Variants in CDH2 observed in about 807,000 individuals in gnomAD.
CDH2 encodes cadherin 2.
CDH2 carries 17 observed loss-of-function variants against 92.0 expected under a neutral mutation model. The observed-to-expected ratio is 0.18, with a 90% CI of 0.13 to 0.28. The LOEUF is 0.28. Ranked by LOEUF, CDH2 falls within the 10% of genes least tolerant of loss-of-function variation. The probability of loss-of-function intolerance (pLI) is 1.00; values close to 1 mark genes in which losing one functional copy is unlikely to be tolerated. For synonymous variants in CDH2, 419 were observed against 415.9 expected, an observed-to-expected ratio of 1.01 and a Z score of -0.09; for missense variants, 862 against 1,133.1, an observed-to-expected ratio of 0.76 and a Z score of 3.44.
intron 15 of CDH2, 80 bp downstream of exon 15, chr18:27,963,277 A>G (rs2011455223): frequency 7.4e-7 from 1 of 1,353,962 alleles, no homozygotes; most frequent in Non-Finnish European, 1.0e-6. Flanking sequence ...GCTGTATTCC[A>G]AGCAATTTGT....
chr18:28,046,821 C>T (rs2014086109), intron 2 of CDH2, among the ~76,000 whole-genome samples: 1 of 152,124 alleles, frequency 6.6e-6, no homozygotes. Flanking sequence ...TGAGCAAAAA[C>T]ATAATTTTGC....
At chr18:28,079,105 G>A (rs899731502) in intron 2 of CDH2, among the ~76,000 whole-genome samples, 2 of 152,092 alleles carry the variant, frequency 1.3e-5, no homozygotes, top group Non-Finnish European at 2.9e-5. Flanking sequence ...TAGTAAAATC[G>A]TCTAACATTT....
intron 11 of CDH2, 60 bp downstream of exon 11, chr18:27,988,464 G>C: frequency 7.0e-7 from 1 of 1,432,566 alleles, no homozygotes; most frequent in Non-Finnish European, 9.7e-7. Context: ...TAATTCCTGA[G>C]CATGCATGAT....
rs141345443 is a variant in CDH2 at position 27,977,189 on chromosome 18, G to A, written c.2349+5755C>T. The stretch of plus-strand genomic sequence containing the variant: ...ATATACTAAAAGTGTCTGTTCAACC[G>A]CTAACAGCCCTGTGTGGAGATAACA... On this transcript the variant is annotated intron_variant, in intron 14 of 15. Transcript: ENST00000269141. 2.9e-3 allele frequency among the ~76,000 whole-genome samples: 439 copies of A among 152,090 alleles called. 4 individuals are homozygous for A. Among genetic ancestry groups the A allele is most frequent in the South Asian group, 0.024 (114 of 4,824 alleles).
rs893557620 is a variant in CDH2 at position 28,176,546 on chromosome 18, C to G, written c.60+417G>C. 5.3e-5 allele frequency among the ~76,000 whole-genome samples: 8 copies of G among 152,098 alleles called. No homozygotes were observed. In the East Asian group the frequency reaches 1.6e-3, roughly 30 times the overall value. On this transcript the variant is annotated intron_variant, in intron 1 of 15. Coordinates refer to ENST00000269141, the MANE Select transcript of CDH2 (RefSeq NM_001792.5). Reference sequence around the variant, plus strand: ...AGAGTGAGAATTCCTACTGTAAACTCGCGACCCATCCCTGCAGAAATAAAC... The same window carrying G: ...AGAGTGAGAATTCCTACTGTAAACTGGCGACCCATCCCTGCAGAAATAAAC...
intron 2 of CDH2, among the ~76,000 whole-genome samples, chr18:28,116,114 T>C (rs557765542): frequency 1.3e-5 from 2 of 152,270 alleles, no homozygotes; most frequent in South Asian, 2.1e-4. Context: ...AAACAATCTA[T>C]AATTCACAGA....
At chr18:27,942,150 G>A (rs545501768) in intron 6 of CDH2, among the ~76,000 whole-genome samples, 3 of 152,110 alleles carry the variant, frequency 2.0e-5, no homozygotes, top group Non-Finnish European at 4.4e-5. Context: ...TATACTGGAA[G>A]GGCAAAAAGA....
chr18:28,026,442 G>A (rs942490948), intron 2 of CDH2, among the ~76,000 whole-genome samples: 5 of 152,108 alleles, frequency 3.3e-5, no homozygotes, highest in African/African-American at 9.7e-5. Flanking sequence ...GCAGACGTGG[G>A]GAGTAGGTAT....
chr18:28,105,074 A>G (rs2015300151), intron 2 of CDH2, among the ~76,000 whole-genome samples: 1 of 152,098 alleles, frequency 6.6e-6, no homozygotes, highest in South Asian at 2.1e-4. Flanking sequence ...ATACTATTCT[A>G]GCTGTGTGTC....
intron 2 of CDH2, among the ~76,000 whole-genome samples, chr18:28,119,612 AAT>A (rs1294198403): frequency 2.0e-5 from 3 of 152,154 alleles, no homozygotes; most frequent in Non-Finnish European, 4.4e-5. Context: ...AAATATAGAA[AAT>A]ATATGTCTGC....
At chr18:28,176,702 A>G (rs1352761531) in intron 1 of CDH2, among the ~76,000 whole-genome samples, 2 of 151,908 alleles carry the variant, frequency 1.3e-5, no homozygotes, top group Non-Finnish European at 2.9e-5. Context: ...CCGAAGAAGG[A>G]GCAGAGGGGA....
chr18:28,080,061 GA>G lies in CDH2; in HGVS notation c.173-66153del, dbSNP rs1437281923. Reference sequence around the variant, plus strand: ...CAGTGACTAATGAGAGGTTCCTCAGGAAGAAGACACAGTGCTGATATTCAAA... The same window carrying G: ...CAGTGACTAATGAGAGGTTCCTCAGGAGAAGACACAGTGCTGATATTCAAA... On this transcript the variant is annotated intron_variant, in intron 2 of 15. Transcript: ENST00000269141. Among the ~76,000 whole-genome samples the G allele has an allele frequency of 7.3e-5, 11 of 150,028 alleles. No homozygotes were observed. In the East Asian group the frequency reaches 1.4e-3, roughly 18 times the overall value.
At chr18:27,966,204 AGTGAATAAATGTTTTTACCCTAAGG>A (rs1454035364) in intron 14 of CDH2, among the ~76,000 whole-genome samples, 1 of 152,092 alleles carries the variant, frequency 6.6e-6, no homozygotes. Flanking sequence ...TATTGATGAC[AGTGAATAAATGTTTTTACCCTAAGG>A]GTGAAAAATG....
chr18:27,934,892 A>AT (rs1342758620), intron 6 of CDH2, among the ~76,000 whole-genome samples: 1 of 152,126 alleles, frequency 6.6e-6, no homozygotes, highest in Non-Finnish European at 1.5e-5. Flanking sequence ...TCAGCTTTTT[A>AT]TAACCCAAGA....
chr18:28,031,977 C>G (rs558440747), intron 2 of CDH2, among the ~76,000 whole-genome samples: 3 of 152,086 alleles, frequency 2.0e-5, no homozygotes, highest in Admixed American at 2.0e-4. Context: ...CACAAACTGC[C>G]TAGGGGAGGG....
intron 2 of CDH2, among the ~76,000 whole-genome samples, chr18:28,018,107 C>G (rs537620212): frequency 6.7e-6 from 1 of 150,124 alleles, no homozygotes; most frequent in African/African-American, 2.5e-5. Context: ...TGTTATACAC[C>G]AACAGTGACC....
intron 2 of CDH2, among the ~76,000 whole-genome samples, chr18:28,049,906 G>C (rs1007098153): frequency 6.6e-6 from 1 of 152,196 alleles, no homozygotes; most frequent in African/African-American, 2.4e-5. Context: ...AGTGTGGTGA[G>C]ATGTCTTGCT....
At chr18:28,157,878 T>C (rs2016245856) in intron 1 of CDH2, among the ~76,000 whole-genome samples, 2 of 152,228 alleles carry the variant, frequency 1.3e-5, no homozygotes, top group Non-Finnish European at 2.9e-5. Context: ...GCCCAAACTC[T>C]TCTAAAAGTA....
intron 7 of CDH2, among the ~76,000 whole-genome samples, chr18:27,997,779 G>C (rs1306859210): frequency 2.6e-5 from 4 of 152,048 alleles, no homozygotes; most frequent in Non-Finnish European, 5.9e-5. Context: ...CGAAACTTAG[G>C]AGGGAAGTAT....
Sources: gnomAD v4.1 joint callset for allele counts (sites outside exome capture counted in the v4.1 genomes callset) on GRCh38, gnomAD v4.1.1 for gene constraint, MANE v1.5 for transcripts, NCBI Gene and HGNC (gene_info 2026-07-23, HGNC 2026-07-21) for gene names.